The following G3BP2 variants were observed in gnomAD, a reference collection of about 807,000 sequenced individuals.
G3BP2 encodes G3BP stress granule assembly factor 2.
In G3BP2, 11 loss-of-function variants were observed where a neutral mutation model predicts 56.7. The observed-to-expected ratio is 0.19, with a 90% CI of 0.12 to 0.32. The LOEUF (loss-of-function observed/expected upper bound fraction) is 0.32. G3BP2 is among the 10% of genes least tolerant of loss of function. G3BP2 has a pLI of 1.00. For synonymous variants in G3BP2, 165 were observed against 191.6 expected (o/e 0.86, Z 1.15); for missense variants, 340 against 610.9 (o/e 0.56, Z 4.67).
At chr4:75,703,960 T>C (rs1042322545) in intron 3 of G3BP2, among the ~76,000 whole-genome samples, 1 of 152,008 alleles carries the variant, frequency 6.6e-6, no homozygotes, top group African/African-American at 2.4e-5. Context: ...GATTGATAAA[T>C]AAATTTTAGA....
intron 3 of G3BP2, among the ~76,000 whole-genome samples, chr4:75,716,917 C>T (rs1407584616): frequency 6.6e-6 from 1 of 152,188 alleles, no homozygotes; most frequent in African/African-American, 2.4e-5. Context: ...TCTTCTTTGC[C>T]TCTTTGTACT....
intron 3 of G3BP2, among the ~76,000 whole-genome samples, chr4:75,690,937 T>G (rs1184966677): frequency 2.0e-5 from 3 of 152,166 alleles, no homozygotes; most frequent in African/African-American, 7.2e-5. Flanking sequence ...ACCATTGAAC[T>G]GTACACTTAA....
Position 75,655,136 on chromosome 4 carries a change from T to G in G3BP2, c.656A>C (p.Glu219Ala). ...AGTAGTAGATTTCTCCTCTAGTTCT[T>G]CTAAGTTCTTCTCCTCCACTTGTGG... ...LKPQVEEKNL[E>A]ELEEKSTTPP... The change falls in exon 7 of 12, where the codon GAA becomes GCA. Residue 219 changes from glutamate to alanine, a missense_variant. By Grantham distance (107) the Glu-to-Ala change is moderately radical. This residue lies in a region of G3BP2 where 224 missense variants were observed against 332.5 expected (regional missense o/e 0.67). Coordinates refer to ENST00000359707, the MANE Select transcript of G3BP2 (RefSeq NM_203505.3). The G allele has an allele frequency of 6.2e-7, 1 of 1,613,248 alleles. No individual in the cohort carries two copies. The highest frequency in any genetic ancestry group is 1.1e-5 in the South Asian group (1 of 91,044).
chr4:75,712,179 A>G (rs928083146), intron 3 of G3BP2, among the ~76,000 whole-genome samples: 4 of 152,156 alleles, frequency 2.6e-5, no homozygotes, highest in African/African-American at 9.7e-5. Context: ...ATTATGTGCC[A>G]ATTTAAACAA....
chr4:75,700,309 C>T (rs1333539868), intron 3 of G3BP2, among the ~76,000 whole-genome samples: 2 of 149,330 alleles, frequency 1.3e-5, no homozygotes, highest in African/African-American at 4.9e-5. Flanking sequence ...GACTTGGCCT[C>T]CCAAAGTGCT....
In G3BP2 at chr4:75,643,550, T is replaced by C. The variant is rs1731017089; in HGVS notation, c.*1880A>G. The C allele has an allele frequency of 6.7e-6, 1 of 149,968 alleles. No individual in the cohort carries two copies. The highest frequency in any genetic ancestry group is 1.5e-5 in the Non-Finnish European group (1 of 67,546). 9.3% of individuals were successfully genotyped at this position (149,968 alleles called of 1,614,324 possible). ...ATCTGTGTCCCCAAAATATATGCAA[T>C]AGTGCAAGACTTTCCCTCAAACATG... On this transcript the variant is annotated 3_prime_UTR_variant, in exon 12 of 12. Transcript: ENST00000359707.
At chr4:75,661,344 T>G (rs1414756881) in intron 2 of G3BP2, among the ~76,000 whole-genome samples, 1 of 152,100 alleles carries the variant, frequency 6.6e-6, no homozygotes, top group Non-Finnish European at 1.5e-5. Context: ...GCCAGGCTGG[T>G]CTCAAACTCC....
At chr4:75,722,169 T>G (rs774880225) in intron 2 of G3BP2, among the ~76,000 whole-genome samples, 7 of 152,184 alleles carry the variant, frequency 4.6e-5, no homozygotes, top group Non-Finnish European at 8.8e-5. Context: ...ATGGTTGTTC[T>G]GTAGTGACAA....
intron 4 of G3BP2, 93 bp from the exon 5 acceptor site, chr4:75,657,107 T>C (rs1004284604): frequency 1.6e-5 from 10 of 629,502 alleles, no homozygotes; most frequent in Non-Finnish European, 2.5e-5. Flanking sequence ...CTCATTTTAA[T>C]ACTAGAGATC....
intron 1 of G3BP2, chr4:75,672,870 A>C: frequency 3.5e-6 from 1 of 284,392 alleles, no homozygotes; most frequent in Non-Finnish European, 5.3e-6. Flanking sequence ...AGCTTCCATC[A>C]GCGCGCCTTC....
chr4:75,681,243 G>A (rs1461814958), intron 3 of G3BP2, among the ~76,000 whole-genome samples: 1 of 152,010 alleles, frequency 6.6e-6, no homozygotes, highest in African/African-American at 2.4e-5. Context: ...AGAATCGCTT[G>A]AACCCGGGAG....
chr4:75,654,364 A>T (rs145914330), intron 7 of G3BP2, among the ~76,000 whole-genome samples: 2 of 152,332 alleles, frequency 1.3e-5, no homozygotes, highest in African/African-American at 4.8e-5. Context: ...AACCACTAAC[A>T]AACATGCTAG....
chr4:75,702,155 G>A (rs893422531), intron 3 of G3BP2, among the ~76,000 whole-genome samples: 1 of 143,578 alleles, frequency 7.0e-6, no homozygotes, highest in Admixed American at 7.1e-5. Flanking sequence ...CCTTAAGATG[G>A]TATATAAACC....
chr4:75,673,412 T>C (rs914888642), upstream of G3BP2: 4 of 1,232,108 alleles, frequency 3.2e-6, no homozygotes, highest in Non-Finnish European at 2.0e-6. Context: ...ACCACGGACG[T>C]CCCGCCCCCT....
intron 1 of G3BP2, among the ~76,000 whole-genome samples, chr4:75,666,760 T>TG (rs1733071239): frequency 3.9e-5 from 6 of 152,360 alleles, no homozygotes; most frequent in African/African-American, 1.2e-4. Context: ...TTGTGCCATT[T>TG]TTATTATTCA....
chr4:75,656,773 C>A (rs992864891), intron 5 of G3BP2, 151 bp downstream of exon 5: 10 of 594,694 alleles, frequency 1.7e-5, no homozygotes, highest in Middle Eastern at 3.6e-4. Flanking sequence ...CTTTTTGTAA[C>A]AACGACAACA....
In G3BP2 at chr4:75,645,413, T is replaced by G. The variant is rs776500414; in HGVS notation, c.*17A>C. ...TGAATAATGTACCACTGCCAAGACT[T>G]TGCCAACAGTGGAGCTTCAGCGACG... On this transcript the variant is annotated 3_prime_UTR_variant, in exon 12 of 12. Coordinates refer to ENST00000359707, the MANE Select transcript of G3BP2 (RefSeq NM_203505.3). 2 of 1,606,366 alleles carry G rather than the reference T, an allele frequency of 1.2e-6. No individual in the cohort carries two copies. The highest frequency in any genetic ancestry group is 1.7e-5 in the Admixed American group (1 of 58,756).
chr4:75,664,484 G>A (rs1246054551), intron 1 of G3BP2, among the ~76,000 whole-genome samples: 1 of 152,048 alleles, frequency 6.6e-6, no homozygotes, highest in African/African-American at 2.4e-5. Flanking sequence ...GCTGAGGCAG[G>A]AGAATCGCTT....
At chr4:75,659,955 T>C (rs1732421202) in intron 2 of G3BP2, among the ~76,000 whole-genome samples, 2 of 152,218 alleles carry the variant, frequency 1.3e-5, no homozygotes, top group Admixed American at 1.3e-4. Context: ...CTTTGATGCA[T>C]TAATTCTTCC....
Sources: gnomAD v4.1 joint callset for allele counts (sites outside exome capture counted in the v4.1 genomes callset) on GRCh38, gnomAD v4.1.1 for gene constraint, gnomAD v4.1.1 regional missense constraint, MANE v1.5 for transcripts, NCBI Gene and HGNC (gene_info 2026-07-23, HGNC 2026-07-21) for gene names.